NOX4: variants seen among roughly 807,000 people sequenced by gnomAD.
The protein encoded by NOX4 is NADPH oxidase 4.
NOX4 carries 69 observed loss-of-function variants against 87.6 expected under a neutral mutation model. The observed-to-expected ratio is 0.79, with a 90% confidence interval of 0.65 to 0.96. The LOEUF (loss-of-function observed/expected upper bound fraction) is 0.96. Among genes scored for constraint, NOX4 ranks in the 40% least tolerant of loss-of-function variants. NOX4 has a pLI of 0.00. For missense variants in NOX4, 680 were observed against 681.5 expected (o/e 1.00, Z 0.02); for synonymous variants, 275 against 238.2 (o/e 1.15, Z -1.42).
chr11:89,541,802 C>G, the NOX4 span, among the ~76,000 whole-genome samples: 2 of 152,060 alleles, frequency 1.3e-5, no homozygotes, highest in African/African-American at 4.8e-5. Context: ...TAGCAAGAGT[C>G]TTCAAATTAT....
At chr11:89,588,799 A>G in the NOX4 span, among the ~76,000 whole-genome samples, 1 of 152,188 alleles carries the variant, frequency 6.6e-6, no homozygotes, top group Non-Finnish European at 1.5e-5. Context: ...GGCGTGATTG[A>G]GAATGCGAAA....
chr11:89,520,074 T>C, the NOX4 span, among the ~76,000 whole-genome samples: 4 of 151,996 alleles, frequency 2.6e-5, no homozygotes, highest in African/African-American at 4.8e-5. Flanking sequence ...TGTACCATTA[T>C]GATCAGGGAG....
chr11:89,456,480 C>G lies in NOX4; in HGVS notation c.154-4585G>C, dbSNP rs560738152. 2.6e-5 allele frequency among the ~76,000 whole-genome samples: 4 copies of G among 152,170 alleles called. No individual in the cohort carries two copies. In the South Asian group the frequency reaches 8.3e-4, roughly 32 times the overall value. On this transcript the variant is annotated intron_variant, in intron 2 of 17. Coordinates refer to ENST00000263317, the MANE Select transcript of NOX4 (RefSeq NM_016931.5). ...GAGACAGGGACATGGGGAAGACTAG[C>G]AAACTCTGAGCAGATCTTCAGCAGG...
intron 12 of NOX4, among the ~76,000 whole-genome samples, chr11:89,358,777 A>G (rs1163722295): frequency 1.3e-5 from 2 of 151,926 alleles, no homozygotes; most frequent in Non-Finnish European, 2.9e-5. Context: ...AAAAAAAGAT[A>G]TATTAATGCT....
Position 89,353,008 on chromosome 11 carries a change from T to A in NOX4, c.1217+1954A>T, listed in dbSNP as rs187831484. On this transcript the variant is annotated intron_variant, in intron 13 of 17. Coordinates refer to ENST00000263317, the MANE Select transcript of NOX4 (RefSeq NM_016931.5). The stretch of plus-strand genomic sequence containing the variant: ...CTAATTTTTGTATTTTTAGTAGAGA[T>A]GGGTTTCACCATGTTGGCCAAGCTG... Among the ~76,000 whole-genome samples, 20 of 152,220 alleles carry A rather than the reference T, an allele frequency of 1.3e-4. No individual in the cohort carries two copies. In the East Asian group the frequency reaches 3.9e-3, roughly 30 times the overall value.
In NOX4 at chr11:89,335,955, A is replaced by G; in HGVS notation, c.1516-10T>C. On this transcript the variant is annotated splice_polypyrimidine_tract_variant and intron_variant, in intron 16 of 17. Coordinates refer to ENST00000263317, the MANE Select transcript of NOX4 (RefSeq NM_016931.5). ...TTTCTCCAATTATCTTCTGCCAAAA[A>G]GAAAGCACTACATTATTCGATATTT... 2 of 1,502,708 alleles carry G rather than the reference A, an allele frequency of 1.3e-6. No homozygotes were observed. 93.1% of individuals were successfully genotyped at this position (1,502,708 alleles called of 1,614,324 possible).
rs1255148174 is a variant in NOX4, at chr11:89,467,723, G to C, written c.154-15828C>G. On this transcript the variant is annotated intron_variant, in intron 2 of 17. Coordinates refer to ENST00000263317, the MANE Select transcript of NOX4 (RefSeq NM_016931.5). ...TTCCCAACACTATTGCCTTAAGGGT[G>C]AGGATTTCAACATATGAATTTTGGG... Among the ~76,000 whole-genome samples the C allele has an allele frequency of 2.6e-5, 4 of 152,194 alleles. No individual in the cohort carries two copies. In the South Asian group the frequency reaches 8.3e-4, roughly 31 times the overall value.
At chr11:89,563,496 G>A in the NOX4 span, among the ~76,000 whole-genome samples, 4 of 151,974 alleles carry the variant, frequency 2.6e-5, no homozygotes, top group Admixed American at 6.6e-5. Flanking sequence ...AACTCCAACC[G>A]TATTTGATCT....
At chr11:89,404,069 G>C (rs1942031114) in intron 8 of NOX4, among the ~76,000 whole-genome samples, 1 of 152,052 alleles carries the variant, frequency 6.6e-6, no homozygotes, top group Non-Finnish European at 1.5e-5. Context: ...AAGTAATACA[G>C]TAGATATAGC....
rs559729417 is a variant in NOX4, at chr11:89,435,010, A to G, written c.476-2154T>C. On this transcript the variant is annotated intron_variant, in intron 6 of 17. Coordinates refer to ENST00000263317, the MANE Select transcript of NOX4 (RefSeq NM_016931.5). ...AAAGAGCACAAAAATATTCTGTGAT[A>G]ATAAAAATATTTATCATCTAACTTT... Among the ~76,000 whole-genome samples, 11 of 152,228 alleles carry G rather than the reference A, an allele frequency of 7.2e-5. 1 individual carries two copies. The South Asian group carries it at 2.3e-3, about 32-fold the overall frequency.
chr11:89,421,642 A>G (rs1943088948), intron 8 of NOX4, among the ~76,000 whole-genome samples: 1 of 152,136 alleles, frequency 6.6e-6, no homozygotes, highest in Admixed American at 6.6e-5. Context: ...TATCCATAGG[A>G]AGATTTAGAA....
chr11:89,364,588 A>C (rs1240522774), intron 12 of NOX4, among the ~76,000 whole-genome samples: 1 of 152,102 alleles, frequency 6.6e-6, no homozygotes, highest in Admixed American at 6.6e-5. Context: ...AATTTTCAGA[A>C]GATGAGATGT....
intron 13 of NOX4, among the ~76,000 whole-genome samples, chr11:89,345,134 T>C (rs1214088549): frequency 6.6e-6 from 1 of 152,186 alleles, no homozygotes; most frequent in Non-Finnish European, 1.5e-5. Flanking sequence ...TTTTACTGTG[T>C]ATCAGAATTT....
At chr11:89,477,462 G>A (rs999677591) in intron 2 of NOX4, among the ~76,000 whole-genome samples, 4 of 152,114 alleles carry the variant, frequency 2.6e-5, no homozygotes, top group Admixed American at 6.6e-5. Context: ...TGTGTGGCCC[G>A]GTTCCTAACA....
chr11:89,556,989 T>C, the NOX4 span: 5 of 152,272 alleles, frequency 3.3e-5, no homozygotes, highest in Middle Eastern at 3.4e-3. Flanking sequence ...TGCAGTCATA[T>C]TACCATGACA....
At chr11:89,486,484 GTGTT>G (rs1345988442) in intron 2 of NOX4, among the ~76,000 whole-genome samples, 4 of 146,992 alleles carry the variant, frequency 2.7e-5, no homozygotes, top group East Asian at 4.0e-4. Flanking sequence ...GTGTGTGTGT[GTGTT>G]TGTGTGCATA....
Position 89,411,615 on chromosome 11 carries a change from A to G in NOX4, c.630-9073T>C, listed in dbSNP as rs576217582. On this transcript the variant is annotated intron_variant, in intron 8 of 17. Coordinates refer to ENST00000263317, the MANE Select transcript of NOX4 (RefSeq NM_016931.5). ...CCTCACTGTGGGCCTGAGGTGGGTT[A>G]TATTGGTTGCAAGCCTCATTGTAAC... is the stretch of plus-strand genomic sequence containing the variant. Among the ~76,000 whole-genome samples the G allele has an allele frequency of 3.9e-5, 6 of 152,280 alleles. No individual in the cohort carries two copies. In the East Asian group the frequency reaches 1.2e-3, roughly 29 times the overall value.
At chr11:89,451,684 C>G (rs1353933222) in intron 3 of NOX4, 101 bp downstream of exon 3, 1 of 761,136 alleles carries the variant, frequency 1.3e-6, no homozygotes, top group Non-Finnish European at 2.3e-6. Context: ...CAAGAAATCA[C>G]TCCAGTCAAA....
chr11:89,473,815 C>G (rs1309077101), intron 2 of NOX4, among the ~76,000 whole-genome samples: 1 of 152,012 alleles, frequency 6.6e-6, no homozygotes, highest in African/African-American at 2.4e-5. Flanking sequence ...CCAGTCTTTC[C>G]TTGGGGAAAA....
Sources: gnomAD v4.1 joint callset for allele counts (sites outside exome capture counted in the v4.1 genomes callset) on GRCh38, gnomAD v4.1.1 for gene constraint, MANE v1.5 for transcripts, NCBI Gene and HGNC (gene_info 2026-07-23, HGNC 2026-07-21) for gene names.